The following RRAS2 variants were observed in gnomAD, a reference collection of about 807,000 sequenced individuals.
RRAS2 encodes ras-related protein R-Ras2.
Under a neutral mutation model 27.6 loss-of-function variants are expected in RRAS2, and 7 were observed. That is an observed-to-expected ratio of 0.25 (90% CI 0.14 to 0.48). The LOEUF is 0.48. Among genes scored for constraint, RRAS2 ranks in the 20% least tolerant of loss-of-function variants. The probability of loss-of-function intolerance (pLI) is 0.99; values close to 1 mark genes in which losing one functional copy is unlikely to be tolerated. For missense variants in RRAS2, 178 were observed against 256.2 expected, an observed-to-expected ratio of 0.69 and a Z score of 2.08; for synonymous variants, 86 against 90.9, an observed-to-expected ratio of 0.95 and a Z score of 0.31.
At position 14,358,452 on chromosome 11, in the gene RRAS2, T is replaced by C; in HGVS notation, c.108+311A>G. ...TAAAGCCCGGCTCGGTGGCCCAGCC[T>C]CTCCCGGAGGTCTCTGGCCTCGGCC... is the stretch of plus-strand genomic sequence containing the variant. On this transcript the variant is annotated intron_variant, in intron 1 of 5. Transcript: ENST00000256196. This position sits in a 1 kb window ranked among gnomAD's most constrained non-coding sequence, Gnocchi z 5.1. 7 of 984,982 alleles carry C rather than the reference T, an allele frequency of 7.1e-6. No individual in the cohort carries two copies. In the South Asian group the frequency reaches 2.4e-4, roughly 33 times the overall value. 61.0% of individuals were successfully genotyped at this position (984,982 alleles called of 1,614,324 possible). A position where few individuals can be genotyped will look rare whatever the true frequency, so the allele number is the denominator to read the frequency against.
chr11:14,358,640 CT>C lies in RRAS2; in HGVS notation c.108+122del. ...AGTCGGCCCCGCGCCCTCCCGCCCC[CT>C]GGCCCCGGCCCGGGCCCGCGAGGCG... On this transcript the variant is annotated intron_variant, in intron 1 of 5. Transcript: ENST00000256196. The surrounding 1 kb of genome is among the most constrained non-coding windows in gnomAD (Gnocchi z 5.1). The C allele has an allele frequency of 1.0e-6, 1 of 977,838 alleles. No individual in the cohort carries two copies. The highest frequency in any genetic ancestry group is 1.8e-5 in the African/African-American group (1 of 56,934). 60.6% of individuals were successfully genotyped at this position (977,838 alleles called of 1,614,324 possible).
At chr11:14,313,824 G>GA (rs1554949175) in intron 1 of RRAS2, among the ~76,000 whole-genome samples, 1 of 152,098 alleles carries the variant, frequency 6.6e-6, no homozygotes, top group Non-Finnish European at 1.5e-5. Context: ...TCTGACCTAT[G>GA]AAAAAATAAA....
intron 1 of RRAS2, among the ~76,000 whole-genome samples, chr11:14,319,801 T>C (rs1425686705): frequency 1.3e-5 from 2 of 152,176 alleles, no homozygotes; most frequent in African/African-American, 2.4e-5. Flanking sequence ...TAAAAGACTT[T>C]TGGTGAAGAG....
intron 1 of RRAS2, among the ~76,000 whole-genome samples, chr11:14,347,210 G>A (rs1366767066): frequency 6.6e-6 from 1 of 152,146 alleles, no homozygotes; most frequent in Non-Finnish European, 1.5e-5. Flanking sequence ...AGCTGTTCAT[G>A]AGGATTGTTT....
intron 1 of RRAS2, among the ~76,000 whole-genome samples, chr11:14,297,887 A>C (rs189499682): frequency 2.4e-4 from 37 of 152,286 alleles, no homozygotes; most frequent in Non-Finnish European, 2.5e-4. Flanking sequence ...CAAAGTCTGT[A>C]AAAGAAATGT....
rs185273496 is a variant in RRAS2, at chr11:14,285,170, G to A, written c.409-3450C>T. Among the ~76,000 whole-genome samples the A allele has an allele frequency of 8.2e-4, 125 of 152,114 alleles. 1 individual carries two copies. The highest frequency in any genetic ancestry group is 2.9e-3 in the African/African-American group (122 of 41,490). ...TAACTATATATCTGTTATTTCAGTG[G>A]CTGCTTCAGAATTTATGGTATACAT... On this transcript the variant is annotated intron_variant, in intron 4 of 5. Transcript: ENST00000256196.
In RRAS2 at chr11:14,342,079, C is replaced by T. The variant is rs1462977853; in HGVS notation, c.108+16684G>A. On this transcript the variant is annotated intron_variant, in intron 1 of 5. Coordinates refer to ENST00000256196, the MANE Select transcript of RRAS2 (RefSeq NM_012250.6). The stretch of plus-strand genomic sequence containing the variant: ...TGCAGTTTTAATAGAAATACAAATA[C>T]ATCAAGTGTGCTTTTGGGTGAAACC... 3 of 495,538 alleles carry T rather than the reference C, an allele frequency of 6.1e-6. No individual in the cohort carries two copies. The African/African-American group carries it at 6.2e-5, about 10-fold the overall frequency. 30.7% of individuals were successfully genotyped at this position (495,538 alleles called of 1,614,324 possible).
intron 1 of RRAS2, among the ~76,000 whole-genome samples, chr11:14,310,825 CTTGT>C (rs1847946721): frequency 6.6e-6 from 1 of 152,178 alleles, no homozygotes; most frequent in Non-Finnish European, 1.5e-5. Flanking sequence ...GGAATTCTTC[CTTGT>C]TTCTTATTCA....
At chr11:14,361,991 A>G (rs147719007), upstream of RRAS2, among the ~76,000 whole-genome samples, 116 of 152,350 alleles carry the variant, frequency 7.6e-4, 2 homozygotes, top group East Asian at 0.022. Flanking sequence ...CAGACACAAA[A>G]GACCACATAT....
chr11:14,338,731 A>T (rs1848639222), intron 1 of RRAS2, among the ~76,000 whole-genome samples: 1 of 152,294 alleles, frequency 6.6e-6, no homozygotes. Context: ...AAACCACATT[A>T]AAAAGGGGTT....
chr11:14,340,304 T>C (rs1180611297), intron 1 of RRAS2, among the ~76,000 whole-genome samples: 2 of 151,954 alleles, frequency 1.3e-5, no homozygotes, highest in Non-Finnish European at 2.9e-5. Context: ...TTTTGCCACA[T>C]AGGCCAGGAT....
At chr11:14,302,849 T>C (rs761184647) in intron 1 of RRAS2, among the ~76,000 whole-genome samples, 1 of 152,206 alleles carries the variant, frequency 6.6e-6, no homozygotes, top group African/African-American at 2.4e-5. Context: ...GTAAGTCAAA[T>C]AGACCCGGAC....
intron 1 of RRAS2, among the ~76,000 whole-genome samples, chr11:14,334,163 G>T (rs564468726): frequency 2.0e-5 from 3 of 152,270 alleles, no homozygotes; most frequent in African/African-American, 4.8e-5. Flanking sequence ...TCAGCTTGTT[G>T]ATTTCCAATC....
chr11:14,334,184 C>T (rs184344726), intron 1 of RRAS2, among the ~76,000 whole-genome samples: 59 of 152,144 alleles, frequency 3.9e-4, no homozygotes, highest in Non-Finnish European at 7.5e-4. Flanking sequence ...TCAATAGCAG[C>T]ACGAGAGTGC....
intron 1 of RRAS2, among the ~76,000 whole-genome samples, chr11:14,339,336 G>C (rs1343143054): frequency 1.7e-5 from 2 of 117,002 alleles, no homozygotes; most frequent in Non-Finnish European, 3.6e-5. Flanking sequence ...AAAATAAAAA[G>C]ACCGATCCAT....
upstream of RRAS2, among the ~76,000 whole-genome samples, chr11:14,360,141 A>T (rs1849170683): frequency 6.6e-6 from 1 of 152,002 alleles, no homozygotes; most frequent in East Asian, 1.9e-4. Context: ...TAAAGAGGCT[A>T]CATGTAGGCA....
Position 14,358,671 on chromosome 11 carries a change from T to G in RRAS2, c.108+92A>C. 1 of 1,006,584 alleles carries G rather than the reference T, an allele frequency of 9.9e-7. No individual in the cohort carries two copies. Among genetic ancestry groups the G allele is most frequent in the Non-Finnish European group, 1.2e-6 (1 of 842,250 alleles). The allele number at this position is 1,006,584 out of a possible 1,614,324, so 62.4% of individuals were successfully genotyped here. A position where few individuals can be genotyped will look rare whatever the true frequency, so the allele number is the denominator to read the frequency against. ...CCGGCCCGGGCCCGCGAGGCGCCTC[T>G]GGGGCGAGGTCGCGGCGGCCGCCCC... On this transcript the variant is annotated intron_variant, in intron 1 of 5. Coordinates refer to ENST00000256196, the MANE Select transcript of RRAS2 (RefSeq NM_012250.6). The surrounding 1 kb of genome is among the most constrained non-coding windows in gnomAD (Gnocchi z 5.1).
intron 1 of RRAS2, among the ~76,000 whole-genome samples, chr11:14,354,672 CT>C (rs35556947): frequency 4.6e-4 from 51 of 110,418 alleles, no homozygotes; most frequent in African/African-American, 1.1e-3. Flanking sequence ...GTAACAATTT[CT>C]TTTTTTTTTT....
At chr11:14,294,939 T>C (rs1591449649) in intron 2 of RRAS2, 77 bp from the exon 3 acceptor site, 1 of 1,212,974 alleles carries the variant, frequency 8.2e-7, no homozygotes, top group Non-Finnish European at 1.2e-6. Context: ...CCAATTAATG[T>C]GAGTCCTCTA....
Sources: gnomAD v4.1 joint callset for allele counts (sites outside exome capture counted in the v4.1 genomes callset) on GRCh38, gnomAD v4.1.1 for gene constraint, Gnocchi (gnomAD v3.1) non-coding constraint, MANE v1.5 for transcripts, NCBI Gene and HGNC (gene_info 2026-07-23, HGNC 2026-07-21) for gene names.